The following PDE11A variants were observed in gnomAD, a reference collection of about 807,000 sequenced individuals.
PDE11A encodes phosphodiesterase 11A.
A neutral mutation model predicts 100.5 loss-of-function variants in PDE11A; 100 were observed. That is an observed-to-expected ratio of 1.00 (90% CI 0.85 to 1.18). The LOEUF (loss-of-function observed/expected upper bound fraction) is 1.18, where lower values mean the gene tolerates loss of function less well. Among genes scored for constraint, PDE11A ranks in the 50% most tolerant of loss-of-function variants. The pLI is 0.00. For missense variants in PDE11A, 1,141 were observed against 1,152.6 expected (o/e 0.99, Z 0.15); for synonymous variants, 381 against 420.8 (o/e 0.91, Z 1.16).
Position 177,680,875 on chromosome 2 carries a change from T to C in PDE11A, c.2374A>G (p.Ser792Gly). The change falls in exon 16 of 20, where the codon AGT becomes GGT. Residue 792 changes from serine to glycine, a missense_variant. Ser to Gly is a moderately conservative substitution (Grantham distance 56). Coordinates refer to ENST00000286063, the MANE Select transcript of PDE11A (RefSeq NM_016953.4). ...ATGTTCCAATCGTATTCTCCTTTAC[T>C]GACAAGTTCAAAGAATTCAGTTCTC... ...ERRTEFFELVSKGEYDWNIKN... is the reference protein window; with the variant it reads ...ERRTEFFELVGKGEYDWNIKN... 1 of 1,594,572 alleles carries C rather than the reference T, an allele frequency of 6.3e-7. No homozygotes were observed. Among genetic ancestry groups the C allele is most frequent in the East Asian group, 2.2e-5 (1 of 44,676 alleles).
intron 1 of PDE11A, among the ~76,000 whole-genome samples, chr2:178,023,885 A>G (rs1232442935): frequency 6.6e-6 from 1 of 152,198 alleles, no homozygotes; most frequent in Non-Finnish European, 1.5e-5. Flanking sequence ...TAAGATATGC[A>G]TGTATATAAG....
At chr2:177,908,791 C>T (rs2084831153) in intron 2 of PDE11A, among the ~76,000 whole-genome samples, 1 of 152,222 alleles carries the variant, frequency 6.6e-6, no homozygotes, top group South Asian at 2.1e-4. Context: ...AACAGCCCAA[C>T]ATCAAACTGT....
At chr2:178,108,111 A>G (rs2087643044) in intron 1 of PDE11A, 1 of 152,204 alleles carries the variant, frequency 6.6e-6, no homozygotes, top group Non-Finnish European at 1.5e-5. Flanking sequence ...CCCAACTGAG[A>G]GTGCTTAAAG....
chr2:177,685,452 T>C (rs546975212), intron 15 of PDE11A, among the ~76,000 whole-genome samples: 110 of 152,356 alleles, frequency 7.2e-4, no homozygotes, highest in Non-Finnish European at 1.2e-3. Flanking sequence ...TATCTGCCCA[T>C]AGTATGTTCA....
intron 2 of PDE11A, among the ~76,000 whole-genome samples, chr2:178,096,661 A>C (rs1408587389): frequency 6.6e-6 from 1 of 152,220 alleles, no homozygotes; most frequent in African/African-American, 2.4e-5. Context: ...GCTAACGCAT[A>C]GCAACAGTGA....
At chr2:177,642,934 G>A (rs527708202) in intron 19 of PDE11A, among the ~76,000 whole-genome samples, 1 of 152,196 alleles carries the variant, frequency 6.6e-6, no homozygotes, top group Admixed American at 6.5e-5. Context: ...GAGTTTCCCT[G>A]TACAAGCTCT....
chr2:177,684,471 T>A (rs2080913382), intron 15 of PDE11A, among the ~76,000 whole-genome samples: 1 of 152,104 alleles, frequency 6.6e-6, no homozygotes, highest in Non-Finnish European at 1.5e-5. Flanking sequence ...AAAGACAAGA[T>A]CTGAACTTGT....
intron 2 of PDE11A, among the ~76,000 whole-genome samples, chr2:178,083,996 T>C (rs1239612924): frequency 6.6e-6 from 1 of 152,234 alleles, no homozygotes; most frequent in African/African-American, 2.4e-5. Flanking sequence ...AATAGCTATA[T>C]AGATACGTTC....
chr2:177,998,735 G>A, intron 2 of PDE11A: 1 of 899,862 alleles, frequency 1.1e-6, no homozygotes, highest in Non-Finnish European at 1.8e-6. Context: ...CGGCCATGAT[G>A]CCATAGTTGC....
Position 177,990,732 on chromosome 2 carries a change from T to TTCA in PDE11A, c.1071+23569_1071+23570insTGA, listed in dbSNP as rs1559034283. On this transcript the variant is annotated intron_variant, in intron 2 of 19. Coordinates refer to ENST00000286063, the MANE Select transcript of PDE11A (RefSeq NM_016953.4). ...CAGCCTGGGTGACAGAGCGAGACTC[T>TTCA]GTCTCAAAAAAAAAAAAAAGGAAAA... 2.0e-3 allele frequency among the ~76,000 whole-genome samples: 235 copies of TTCA among 117,266 alleles called. 4 individuals are homozygous for TTCA. The highest frequency in any genetic ancestry group is 0.016 in the Middle Eastern group (3 of 182). The allele number at this position is 117,266 out of a possible 152,430, so 76.9% of individuals were successfully genotyped here.
chr2:177,878,722 A>T (rs1163255889), intron 4 of PDE11A, among the ~76,000 whole-genome samples: 1 of 152,158 alleles, frequency 6.6e-6, no homozygotes, highest in Non-Finnish European at 1.5e-5. Flanking sequence ...CCGAGATTTG[A>T]ACCATGTTGT....
At chr2:177,653,324 G>T in intron 19 of PDE11A, among the ~76,000 whole-genome samples, 1 of 152,138 alleles carries the variant, frequency 6.6e-6, no homozygotes, top group East Asian at 1.9e-4. Context: ...ACTTGGCAGT[G>T]GCTACACAGG....
chr2:178,032,784 T>C (rs1249965360), intron 1 of PDE11A, among the ~76,000 whole-genome samples: 2 of 152,080 alleles, frequency 1.3e-5, no homozygotes, highest in Non-Finnish European at 2.9e-5. Flanking sequence ...TCCAGCAAAC[T>C]GCAGCAGACC....
intron 2 of PDE11A, among the ~76,000 whole-genome samples, chr2:178,103,969 A>C (rs924893311): frequency 4.6e-5 from 7 of 152,184 alleles, no homozygotes; most frequent in African/African-American, 1.7e-4. Context: ...TGCTAAAATC[A>C]ATACTACAAA....
At chr2:177,882,139 T>G (rs2084353572) in intron 4 of PDE11A, among the ~76,000 whole-genome samples, 1 of 152,204 alleles carries the variant, frequency 6.6e-6, no homozygotes, top group Admixed American at 6.5e-5. Context: ...CCAGGGACAA[T>G]TATTAATAGT....
intron 2 of PDE11A, among the ~76,000 whole-genome samples, chr2:177,924,705 C>T (rs13400411): frequency 0.086 from 13,004 of 151,694 alleles, 519 homozygotes; most frequent in South Asian, 0.099. Context: ...TGTTGATTCA[C>T]ATTCTGCCGG....
chr2:177,927,870 C>T (rs531941948), intron 2 of PDE11A, among the ~76,000 whole-genome samples: 4 of 151,844 alleles, frequency 2.6e-5, no homozygotes, highest in South Asian at 2.1e-4. Flanking sequence ...TTTGGGAGGC[C>T]GAGATGGGCA....
rs2079813731 is a variant in PDE11A at position 177,625,107 on chromosome 2, A to G, written c.*4300T>C. 6.6e-6 allele frequency: 1 copy of G among 152,644 alleles called. No homozygotes were observed. The highest frequency in any genetic ancestry group is 2.4e-5 in the African/African-American group (1 of 41,450). 9.5% of individuals were successfully genotyped at this position (152,644 alleles called of 1,614,324 possible). A position where few individuals can be genotyped will look rare whatever the true frequency, so the allele number is the denominator to read the frequency against. On this transcript the variant is annotated 3_prime_UTR_variant, in exon 20 of 20. Transcript: ENST00000286063. ...TATCTTTTTTTAAATTGTATTGATG[A>G]CTACATCTTTCATCATAATTAGAGA...
Position 177,948,777 on chromosome 2 carries a change from C to T in PDE11A, c.1072-43590G>A, listed in dbSNP as rs116281933. 1.5e-3 allele frequency among the ~76,000 whole-genome samples: 223 copies of T among 152,122 alleles called. 2 individuals are homozygous for T. The highest frequency in any genetic ancestry group is 5.2e-3 in the African/African-American group (215 of 41,520). ...TTCAAACACTAGCCAAAAGTGGTGG[C>T]ACATGCCTGTAGTCCTTGTTACTTG... On this transcript the variant is annotated intron_variant, in intron 2 of 19. Transcript: ENST00000286063.
Sources: gnomAD v4.1 joint callset for allele counts (sites outside exome capture counted in the v4.1 genomes callset) on GRCh38, gnomAD v4.1.1 for gene constraint, MANE v1.5 for transcripts, NCBI Gene and HGNC (gene_info 2026-07-23, HGNC 2026-07-21) for gene names.